Variants in FGFR1 observed in about 807,000 individuals in gnomAD.
The protein encoded by FGFR1 is fibroblast growth factor receptor 1.
FGFR1 carries 18 observed loss-of-function variants against 93.7 expected under a neutral mutation model. The ratio of observed to expected loss-of-function variants is 0.19; its 90% CI spans 0.13 to 0.28. The LOEUF is 0.28. Ranked by LOEUF, FGFR1 falls within the 10% of genes least tolerant of loss-of-function variation. FGFR1 has a pLI of 1.00. For synonymous variants in FGFR1, 448 were observed against 429.3 expected, an observed-to-expected ratio of 1.04 and a Z score of -0.54; for missense variants, 731 against 1,080.4, an observed-to-expected ratio of 0.68 and a Z score of 4.53.
At position 38,412,573 on chromosome 8, in the gene FGFR1, G is replaced by A. The variant is rs761124911; in HGVS notation, c.*1055C>T. ...AAAGCAGCGGAGAGGCAGGAGGTGC[G>A]TCGTGAGGTCTGGGTGCAGGACCTA... On this transcript the variant is annotated 3_prime_UTR_variant, in exon 18 of 18. Coordinates refer to ENST00000447712, the MANE Select transcript of FGFR1 (RefSeq NM_023110.3). The A allele has an allele frequency of 4.5e-4, 105 of 233,406 alleles. No homozygotes were observed. The highest frequency in any genetic ancestry group is 3.3e-4 in the African/African-American group (15 of 45,344). 14.5% of individuals were successfully genotyped at this position (233,406 alleles called of 1,614,324 possible). A position where few individuals can be genotyped will look rare whatever the true frequency, so the allele number is the denominator to read the frequency against.
chr8:38,463,762 T>C (rs570282082), intron 1 of FGFR1, among the ~76,000 whole-genome samples: 4 of 152,320 alleles, frequency 2.6e-5, no homozygotes, highest in Non-Finnish European at 5.9e-5. Flanking sequence ...TCTGGACAAC[T>C]TGGTTCTTCA....
At chr8:38,448,798 T>C (rs539837731) in intron 2 of FGFR1, among the ~76,000 whole-genome samples, 2 of 151,458 alleles carry the variant, frequency 1.3e-5, no homozygotes, top group Non-Finnish European at 2.9e-5. Flanking sequence ...CTACAAAAAA[T>C]ACAAAAATTA....
intron 7 of FGFR1, 43 bp from the exon 8 acceptor site, chr8:38,421,984 G>C (rs2150761980): frequency 6.2e-7 from 1 of 1,611,554 alleles, no homozygotes; most frequent in South Asian, 1.1e-5. Flanking sequence ...CACAGGACAT[G>C]AGACCTCTAA....
rs1819861206 is a variant in FGFR1 at position 38,424,163 on chromosome 8, C to T, written c.936+346G>A. On this transcript the variant is annotated intron_variant, in intron 7 of 17. Coordinates refer to ENST00000447712, the MANE Select transcript of FGFR1 (RefSeq NM_023110.3). The surrounding 1 kb of genome is among the most constrained non-coding windows in gnomAD (Gnocchi z 4.3). The stretch of plus-strand genomic sequence containing the variant: ...AGGACACAGGGCTAAGACTGGGAAA[C>T]GCTTGGTGGAAAGGCTCTGGTTTCG... The T allele has an allele frequency of 9.1e-6, 4 of 439,704 alleles. No individual in the cohort carries two copies. Among genetic ancestry groups the T allele is most frequent in the South Asian group, 2.0e-5 (1 of 48,974 alleles). The allele number at this position is 439,704 out of a possible 1,614,324, so 27.2% of individuals were successfully genotyped here.
intron 1 of FGFR1, chr8:38,465,694 G>A (rs1402993055): frequency 9.0e-6 from 2 of 223,132 alleles, no homozygotes; most frequent in Non-Finnish European, 8.9e-6. Flanking sequence ...GCGTGGGGGT[G>A]ATTACCCAGA....
At chr8:38,428,773 G>C (rs543840948) in intron 3 of FGFR1, 75 of 392,408 alleles carry the variant, frequency 1.9e-4, no homozygotes, top group Admixed American at 3.8e-5. Flanking sequence ...CAGGCAACCT[G>C]TATTCTTCTT....
Position 38,415,269 on chromosome 8 carries a change from A to C in FGFR1, c.1855-368T>G, listed in dbSNP as rs556354615. On this transcript the variant is annotated intron_variant, in intron 13 of 17. Coordinates refer to ENST00000447712, the MANE Select transcript of FGFR1 (RefSeq NM_023110.3). ...TCACAGACAGTTTCATTTTATCTTC[A>C]TAACAATTCTACAACAGGTATTGTT... Among the ~76,000 whole-genome samples, 23 of 152,222 alleles carry C rather than the reference A, an allele frequency of 1.5e-4. No individual in the cohort carries two copies. In the South Asian group the frequency reaches 4.6e-3, roughly 30 times the overall value.
In FGFR1 at chr8:38,468,527, CG is replaced by C. The variant is rs1836004981; in HGVS notation, c.-636del. 1 of 228,726 alleles carries C rather than the reference CG, an allele frequency of 4.4e-6. No homozygotes were observed. Among genetic ancestry groups the C allele is most frequent in the Non-Finnish European group, 8.7e-6 (1 of 115,044 alleles). The allele number at this position is 228,726 out of a possible 1,614,324, so 14.2% of individuals were successfully genotyped here. On this transcript the variant is annotated 5_prime_UTR_variant, in exon 1 of 18. Coordinates refer to ENST00000447712, the MANE Select transcript of FGFR1 (RefSeq NM_023110.3). ...GTGGCCGCCCAGCTCCCGGCACACC[CG>C]GGTTCCTCCGCGCGCTGCGGCTGCA...
intron 12 of FGFR1, 74 bp downstream of exon 12, chr8:38,417,232 A>C: frequency 8.7e-7 from 1 of 1,144,364 alleles, no homozygotes; most frequent in Non-Finnish European, 1.3e-6. Context: ...TGGCTGAGAG[A>C]GGCCTTGGGA....
rs112448870 is a variant in FGFR1, at chr8:38,416,613, G to A, written c.1664-553C>T. Among the ~76,000 whole-genome samples the A allele has an allele frequency of 1.7e-3, 253 of 151,938 alleles. 2 individuals carry two copies. Among genetic ancestry groups the A allele is most frequent in the African/African-American group, 5.7e-3 (234 of 41,402 alleles). On this transcript the variant is annotated intron_variant, in intron 12 of 17. Transcript: ENST00000447712. The stretch of plus-strand genomic sequence containing the variant: ...TGGAATTACAGGCATGCGCCACCAC[G>A]CCCGGCTACTTTTTGTATTTTTAGT...
chr8:38,434,320 TTGC>T (rs57213852), intron 2 of FGFR1: 2,952 of 181,458 alleles, frequency 0.016, 75 homozygotes, highest in Non-Finnish European at 0.022. Flanking sequence ...TCAACCCATA[TTGC>T]TGCTGCTTTT....
intron 11 of FGFR1, 181 bp from the exon 12 acceptor site, chr8:38,417,597 T>C: frequency 1.4e-6 from 1 of 728,556 alleles, no homozygotes; most frequent in Non-Finnish European, 2.4e-6. Flanking sequence ...TAGGTGGTAG[T>C]GAGTGGGCAG....
At chr8:38,445,585 C>G (rs778513962) in intron 2 of FGFR1, among the ~76,000 whole-genome samples, 16 of 152,188 alleles carry the variant, frequency 1.1e-4, no homozygotes, top group Non-Finnish European at 2.2e-4. Flanking sequence ...GTTGCCCAGG[C>G]TGGAGTGCAA....
chr8:38,411,175 G>T lies in FGFR1; in HGVS notation c.*2453C>A, dbSNP rs755211559. ...CACTGTCTTTTATTTGACAGCTAGC[G>T]CAGTCTTTGGGGAAATTTGTGGGTG... is the stretch of plus-strand genomic sequence containing the variant. On this transcript the variant is annotated 3_prime_UTR_variant, in exon 18 of 18. Coordinates refer to ENST00000447712, the MANE Select transcript of FGFR1 (RefSeq NM_023110.3). 4.0e-5 allele frequency: 8 copies of T among 198,200 alleles called. No homozygotes were observed. The highest frequency in any genetic ancestry group is 5.2e-5 in the Non-Finnish European group (5 of 95,756). The allele number at this position is 198,200 out of a possible 1,614,324, so 12.3% of individuals were successfully genotyped here.
intron 2 of FGFR1, among the ~76,000 whole-genome samples, chr8:38,438,590 G>C (rs953114756): frequency 2.0e-5 from 3 of 151,966 alleles, no homozygotes; most frequent in Admixed American, 6.6e-5. Context: ...GGGAAACTGG[G>C]GCACAGAAAG....
At chr8:38,428,129 G>T in intron 4 of FGFR1, 36 bp from the exon 5 acceptor site, 1 of 1,613,016 alleles carries the variant, frequency 6.2e-7, no homozygotes, top group South Asian at 1.1e-5. Flanking sequence ...AGGCAGGGTG[G>T]AGAGGAGCAG....
At position 38,413,181 on chromosome 8, in the gene FGFR1, G is replaced by T. The variant is rs1007541755; in HGVS notation, c.*447C>A. 3.9e-5 allele frequency: 10 copies of T among 253,748 alleles called. No individual in the cohort carries two copies. The highest frequency in any genetic ancestry group is 6.9e-5 in the Non-Finnish European group (9 of 130,684). The allele number at this position is 253,748 out of a possible 1,614,324, so 15.7% of individuals were successfully genotyped here. ...AGGTCACCTTCAATCGAGGCACGAA[G>T]CACTGACCTCCCTACTGCTGTAGCC... On this transcript the variant is annotated 3_prime_UTR_variant, in exon 18 of 18. Transcript: ENST00000447712. The surrounding 1 kb of genome is among the most constrained non-coding windows in gnomAD (Gnocchi z 4.2).
chr8:38,457,725 C>A (rs951747830), intron 1 of FGFR1, among the ~76,000 whole-genome samples, 191 bp from the exon 2 acceptor site: 19 of 152,186 alleles, frequency 1.2e-4, no homozygotes, highest in Middle Eastern at 6.8e-3. Flanking sequence ...GGTGGTGCAC[C>A]CTGTAATCCC....
rs2150929062 is a variant in FGFR1, at chr8:38,428,366, T to A, written c.428A>T (p.Asn143Ile). The part of the protein sequence containing the change: ...DSSSEEKETD[N>I]TKPNRMPVAP... The stretch of plus-strand genomic sequence containing the variant: ...CTCACGCATACGGTTTGGTTTGGTG[T>A]TATCTGTTTCTTTCTCCTCTGAAGA... Residue 143 changes from asparagine (N) to isoleucine (I), a missense_variant, in exon 4 of 18, where the codon AAC becomes ATC. Around this residue, in one of 10 missense-constraint regions of FGFR1, gnomAD observed 212 missense variants for 205.8 expected, o/e 1.03. Transcript: ENST00000447712. The A allele has an allele frequency of 3.1e-6, 5 of 1,614,130 alleles. No homozygotes were observed. The highest frequency in any genetic ancestry group is 4.2e-6 in the Non-Finnish European group (5 of 1,179,988).
Sources: gnomAD v4.1 joint callset for allele counts (sites outside exome capture counted in the v4.1 genomes callset) on GRCh38, gnomAD v4.1.1 for gene constraint, gnomAD v4.1.1 regional missense constraint, Gnocchi (gnomAD v3.1) non-coding constraint, MANE v1.5 for transcripts, NCBI Gene and HGNC (gene_info 2026-07-23, HGNC 2026-07-21) for gene names.